ARID4B: variants seen among roughly 807,000 people sequenced by gnomAD.
The protein encoded by ARID4B is AT-rich interaction domain 4B, also known as AT-rich interactive domain-containing protein 4B.
Under a neutral mutation model 147.5 loss-of-function variants are expected in ARID4B, and 26 were observed. The observed-to-expected ratio is 0.18, with a 90% CI of 0.13 to 0.24. The LOEUF (loss-of-function observed/expected upper bound fraction) is 0.24, where lower values mean the gene tolerates loss of function less well. Ranked by LOEUF, ARID4B falls within the 10% of genes least tolerant of loss-of-function variation. The pLI, the probability that ARID4B is intolerant of heterozygous loss-of-function variation, is 1.00. For missense variants in ARID4B, 1,179 were observed against 1,511.5 expected, an observed-to-expected ratio of 0.78 and a Z score of 3.65; for synonymous variants, 512 against 507.9, an observed-to-expected ratio of 1.01 and a Z score of -0.11.
intron 16 of ARID4B, 44 bp from the exon 17 acceptor site, chr1:235,214,070 A>G (rs1267296502): frequency 7.1e-6 from 11 of 1,558,828 alleles, no homozygotes; most frequent in East Asian, 2.2e-5. Context: ...AAGACACTTC[A>G]TAAGTTTTTC....
chr1:235,255,258 G>T (rs1053409542), intron 5 of ARID4B, among the ~76,000 whole-genome samples: 10 of 86,558 alleles, frequency 1.2e-4, no homozygotes, highest in Admixed American at 2.8e-4. Flanking sequence ...TAGATAGATA[G>T]ATAGATATAT....
chr1:235,275,026 C>T (rs1275574433), intron 2 of ARID4B, among the ~76,000 whole-genome samples: 6 of 146,560 alleles, frequency 4.1e-5, no homozygotes, highest in South Asian at 2.1e-4. Context: ...TGTGTGTGCA[C>T]GCGCGCAGAC....
chr1:235,304,985 G>A (rs1240982772), intron 2 of ARID4B, among the ~76,000 whole-genome samples: 3 of 152,108 alleles, frequency 2.0e-5, no homozygotes, highest in Non-Finnish European at 4.4e-5. Flanking sequence ...GACCACATCC[G>A]AATCTCCAAA....
At chr1:235,304,181 C>G (rs376006506) in intron 2 of ARID4B, among the ~76,000 whole-genome samples, 1 of 151,946 alleles carries the variant, frequency 6.6e-6, no homozygotes, top group African/African-American at 2.4e-5. Flanking sequence ...CATGGTGAAA[C>G]CCTGCCTCTA....
intron 2 of ARID4B, among the ~76,000 whole-genome samples, chr1:235,308,756 C>G (rs921568719): frequency 6.6e-6 from 1 of 152,178 alleles, no homozygotes; most frequent in African/African-American, 2.4e-5. Flanking sequence ...GGATTGCAGA[C>G]GGAGTCTGGT....
At chr1:235,205,542 ATT>A (rs1241073975) in intron 17 of ARID4B, among the ~76,000 whole-genome samples, 1 of 152,162 alleles carries the variant, frequency 6.6e-6, no homozygotes, top group African/African-American at 2.4e-5. Context: ...ATAAAGGAAA[ATT>A]TTCAGAACAC....
chr1:235,247,340 C>T (rs549363497), intron 6 of ARID4B, among the ~76,000 whole-genome samples: 3 of 152,098 alleles, frequency 2.0e-5, no homozygotes, highest in African/African-American at 7.2e-5. Context: ...GGCATCTAAA[C>T]TAATGTAATA....
At chr1:235,176,695 T>G in intron 21 of ARID4B, 2 of 367,746 alleles carry the variant, frequency 5.4e-6, no homozygotes, top group Non-Finnish European at 1.1e-5. Context: ...CAGCCTGGCT[T>G]TCATGGCCTT....
chr1:235,316,015 ATAAATTAAAT>A (rs142128565), intron 2 of ARID4B, among the ~76,000 whole-genome samples: 5 of 151,606 alleles, frequency 3.3e-5, no homozygotes, highest in Admixed American at 1.3e-4. Context: ...CTCTGATCTC[ATAAATTAAAT>A]TAAATTAAAT....
At chr1:235,282,799 T>A (rs542711856) in intron 2 of ARID4B, among the ~76,000 whole-genome samples, 15 of 152,260 alleles carry the variant, frequency 9.9e-5, no homozygotes, top group South Asian at 6.2e-4. Flanking sequence ...TTATTTATTT[T>A]TTTGAGACGG....
At chr1:235,168,965 G>C (rs1273841583) in intron 23 of ARID4B, among the ~76,000 whole-genome samples, 1 of 152,160 alleles carries the variant, frequency 6.6e-6, no homozygotes, top group Non-Finnish European at 1.5e-5. Context: ...TACACTTTTT[G>C]TAACAGTGAA....
rs191021547 is a variant in ARID4B, at chr1:235,316,251, T to C, written c.6+10663A>G. On this transcript the variant is annotated intron_variant, in intron 2 of 23. Coordinates refer to ENST00000264183, the MANE Select transcript of ARID4B (RefSeq NM_016374.6). Reference sequence around the variant, plus strand: ...AGTGGGGTGCAGTGGCTCACACCTGTAATTCCAGCACTTTGGAAGGCTGAG... The same window carrying C: ...AGTGGGGTGCAGTGGCTCACACCTGCAATTCCAGCACTTTGGAAGGCTGAG... Among the ~76,000 whole-genome samples the C allele has an allele frequency of 1.3e-3, 194 of 152,290 alleles. 1 individual carries two copies. The highest frequency in any genetic ancestry group is 4.6e-3 in the African/African-American group (190 of 41,584).
chr1:235,245,483 A>T (rs1669242615), intron 7 of ARID4B, among the ~76,000 whole-genome samples: 1 of 152,140 alleles, frequency 6.6e-6, no homozygotes, highest in Non-Finnish European at 1.5e-5. Context: ...TAAATACTAG[A>T]TGCAATCTTC....
intron 2 of ARID4B, among the ~76,000 whole-genome samples, chr1:235,321,575 G>A (rs6682979): frequency 0.28 from 42,188 of 151,858 alleles, 7,362 homozygotes; most frequent in South Asian, 0.53. Context: ...GCGTGATCTC[G>A]GCTCACTGCA....
rs778764861 is a variant in ARID4B at position 235,175,358 on chromosome 1, T to C, written c.3490A>G (p.Ile1164Val). 6.8e-6 allele frequency: 11 copies of C among 1,614,074 alleles called. No individual in the cohort carries two copies. Among genetic ancestry groups the C allele is most frequent in the East Asian group, 2.2e-5 (1 of 44,896 alleles). Residue 1164 changes from isoleucine (I) to valine (V), a missense_variant, in exon 22 of 24, where the codon ATA (isoleucine) becomes GTA (valine). Ile to Val is a conservative substitution (Grantham distance 29). Transcript: ENST00000264183. ...DSEELSAGESITKSQPVKSVS... is the reference protein window; with the variant it reads ...DSEELSAGESVTKSQPVKSVS... ...GATTTGACTGGCTGACTCTTAGTTA[T>C]ACTTTCACCAGCTGAAAGTTCTTCA...
At chr1:235,297,371 C>T (rs1672811944) in intron 2 of ARID4B, among the ~76,000 whole-genome samples, 1 of 152,008 alleles carries the variant, frequency 6.6e-6, no homozygotes, top group South Asian at 2.1e-4. Flanking sequence ...ACTGGCAAAA[C>T]GAGGTGGGAG....
rs200420630 is a variant in ARID4B, at chr1:235,172,495, T to C, written c.3811+123A>G. ...TAGGAAGCTGAGGTAGGAGAACTGTTTGAACCCAGGAGGTGGAGGTTGCAG... is the reference window on the plus strand; with the variant it reads ...TAGGAAGCTGAGGTAGGAGAACTGTCTGAACCCAGGAGGTGGAGGTTGCAG... On this transcript the variant is annotated intron_variant, in intron 23 of 23. Transcript: ENST00000264183. 31 of 593,876 alleles carry C rather than the reference T, an allele frequency of 5.2e-5. 1 individual carries two copies. In the East Asian group the frequency reaches 9.9e-4, roughly 19 times the overall value. 36.8% of individuals were successfully genotyped at this position (593,876 alleles called of 1,614,324 possible).
At chr1:235,263,395 A>G (rs1284625213) in intron 2 of ARID4B, among the ~76,000 whole-genome samples, 1 of 152,228 alleles carries the variant, frequency 6.6e-6, no homozygotes, top group Non-Finnish European at 1.5e-5. Context: ...CCATTTGCGT[A>G]TTCTTTTCAT....
At chr1:235,229,720 A>C (rs1668078982) in intron 10 of ARID4B, among the ~76,000 whole-genome samples, 1 of 152,218 alleles carries the variant, frequency 6.6e-6, no homozygotes, top group South Asian at 2.1e-4. Flanking sequence ...ATCATGTAAT[A>C]TCTTATGCAA....
Sources: allele counts gnomAD v4.1 joint callset (sites outside exome capture counted in the v4.1 genomes callset), GRCh38; gene constraint gnomAD v4.1.1; transcripts MANE v1.5; gene names NCBI Gene and HGNC (gene_info 2026-07-23, HGNC 2026-07-21).